Variants in EML5 observed in about 807,000 individuals in gnomAD.
The protein encoded by EML5 is EMAP like 5, also known as echinoderm microtubule-associated protein-like 5.
In EML5, 120 loss-of-function variants were observed where a neutral mutation model predicts 250.0. The observed-to-expected ratio is 0.48, with a 90% CI of 0.41 to 0.56. The LOEUF (loss-of-function observed/expected upper bound fraction) is 0.56, where lower values mean the gene tolerates loss of function less well. EML5 is among the 20% of genes least tolerant of loss of function. The probability of loss-of-function intolerance (pLI) is 0.00; values close to 1 mark genes in which losing one functional copy is unlikely to be tolerated. For missense variants in EML5, 2,006 were observed against 2,437.6 expected (o/e 0.82, Z 3.73); for synonymous variants, 771 against 806.5 (o/e 0.96, Z 0.75).
rs182194630 is a variant in EML5 at position 88,743,233 on chromosome 14, T to C, written c.525+790A>G. ...CACTGTAGAATGAGTATAGGTAATA[T>C]GAATACACAGTTTCAAATAGCTAGA... On this transcript the variant is annotated intron_variant, in intron 4 of 43. Coordinates refer to ENST00000554922, the MANE Select transcript of EML5 (RefSeq NM_183387.3). Among the ~76,000 whole-genome samples, 753 of 152,156 alleles carry C rather than the reference T, an allele frequency of 4.9e-3. 8 individuals carry two copies. Among genetic ancestry groups the C allele is most frequent in the Non-Finnish European group, 5.3e-3 (362 of 67,926 alleles).
chr14:88,711,354 T>TCTCA (rs2093403536), intron 10 of EML5, among the ~76,000 whole-genome samples: 1 of 103,424 alleles, frequency 9.7e-6, no homozygotes, highest in African/African-American at 5.2e-5. Flanking sequence ...TCTCACGAGA[T>TCTCA]CTGATGGTTT....
At chr14:88,746,595 T>C (rs2094007588) in intron 2 of EML5, among the ~76,000 whole-genome samples, 1 of 152,084 alleles carries the variant, frequency 6.6e-6, no homozygotes, top group Admixed American at 6.6e-5. Context: ...TGTTTTTAAA[T>C]GGACTGATGA....
intron 7 of EML5, among the ~76,000 whole-genome samples, chr14:88,734,811 CA>C (rs1319808651): frequency 6.6e-6 from 1 of 151,982 alleles, no homozygotes; most frequent in African/African-American, 2.4e-5. Flanking sequence ...TAGCCAAATC[CA>C]GAATGTGGGA....
At chr14:88,709,795 A>G (rs1323327055) in intron 10 of EML5, among the ~76,000 whole-genome samples, 1 of 152,244 alleles carries the variant, frequency 6.6e-6, no homozygotes, top group African/African-American at 2.4e-5. Flanking sequence ...AAATGCATGA[A>G]TTGCAGCATA....
intron 21 of EML5, among the ~76,000 whole-genome samples, chr14:88,673,603 T>C (rs2092523175): frequency 6.6e-6 from 1 of 152,238 alleles, no homozygotes; most frequent in Non-Finnish European, 1.5e-5. Context: ...TGTTTGCAGA[T>C]GATATGATAG....
chr14:88,677,633 A>T (rs1382560481), intron 21 of EML5, among the ~76,000 whole-genome samples: 1 of 152,260 alleles, frequency 6.6e-6, no homozygotes, highest in African/African-American at 2.4e-5. Context: ...AAGGTGGGCA[A>T]AGGACATAAG....
chr14:88,741,973 T>C (rs1220851400), intron 4 of EML5, among the ~76,000 whole-genome samples: 2 of 152,220 alleles, frequency 1.3e-5, no homozygotes, highest in Non-Finnish European at 2.9e-5. Flanking sequence ...CCATAATTTG[T>C]GTACATAAGT....
At chr14:88,710,349 C>T (rs1008157384) in intron 10 of EML5, among the ~76,000 whole-genome samples, 2 of 152,264 alleles carry the variant, frequency 1.3e-5, no homozygotes, top group East Asian at 1.9e-4. Flanking sequence ...TAAACTACTT[C>T]TATTATTTAA....
intron 7 of EML5, among the ~76,000 whole-genome samples, chr14:88,728,323 C>T (rs2093698667): frequency 1.2e-5 from 1 of 83,032 alleles, no homozygotes; most frequent in South Asian, 3.7e-4. Flanking sequence ...TTGAATAATG[C>T]ACCAGTTAGA....
intron 17 of EML5, among the ~76,000 whole-genome samples, chr14:88,693,860 T>A (rs2093016333): frequency 7.4e-6 from 1 of 134,802 alleles, no homozygotes; most frequent in South Asian, 2.7e-4. Context: ...AGCCTTAACC[T>A]CCTGGGCTCA....
chr14:88,710,482 A>C (rs2093386840), intron 10 of EML5, among the ~76,000 whole-genome samples: 1 of 152,222 alleles, frequency 6.6e-6, no homozygotes, highest in African/African-American at 2.4e-5. Flanking sequence ...AATGCAACTT[A>C]ATAATTAATC....
At chr14:88,729,563 T>G (rs1595697132) in intron 7 of EML5, among the ~76,000 whole-genome samples, 1 of 147,878 alleles carries the variant, frequency 6.8e-6, no homozygotes, top group Non-Finnish European at 1.5e-5. Flanking sequence ...ATTTGGTTTT[T>G]TGTTTTTTGT....
chr14:88,681,821 T>G, intron 21 of EML5, 69 bp downstream of exon 21: 1 of 1,470,104 alleles, frequency 6.8e-7, no homozygotes, highest in Non-Finnish European at 9.0e-7. Flanking sequence ...CTAGTTTTGC[T>G]TTCTTATATT....
At chr14:88,653,361 C>T (rs548387511) in intron 27 of EML5, among the ~76,000 whole-genome samples, 9 of 152,276 alleles carry the variant, frequency 5.9e-5, no homozygotes, top group Non-Finnish European at 1.2e-4. Context: ...AGACAGCATC[C>T]TTGTCTTGTG....
Position 88,618,727 on chromosome 14 carries a change from T to TA in EML5, c.5460dup (p.Asn1821Ter). On this transcript the variant is annotated frameshift_variant, in exon 40 of 44. Coordinates refer to ENST00000554922, the MANE Select transcript of EML5 (RefSeq NM_183387.3). LOFTEE classifies it high-confidence loss of function. Reference sequence around the variant, plus strand: ...ATGTCTTTGCAGTAGCTGATTCTGTTAAGAGTGGGGCCCAGCGTTAGGTCA... The same window carrying TA: ...ATGTCTTTGCAGTAGCTGATTCTGTTAAAGAGTGGGGCCCAGCGTTAGGTCA... The TA allele has an allele frequency of 6.2e-7, 1 of 1,609,978 alleles. No individual in the cohort carries two copies. The highest frequency in any genetic ancestry group is 8.5e-7 in the Non-Finnish European group (1 of 1,177,950).
At position 88,627,032 on chromosome 14, in the gene EML5, T is replaced by C; in HGVS notation, c.4546A>G (p.Ser1516Gly). 2 of 1,613,926 alleles carry C rather than the reference T, an allele frequency of 1.2e-6. No homozygotes were observed. Among genetic ancestry groups the C allele is most frequent in the Non-Finnish European group, 1.7e-6 (2 of 1,179,864 alleles). The change falls in exon 35 of 44, where the codon AGC (serine) becomes GGC (glycine). Residue 1516 changes from serine (S) to glycine (G), a missense_variant. Ser to Gly is a moderately conservative substitution (Grantham distance 56, BLOSUM62 0). Transcript: ENST00000554922. ...WRWQEGAKIA[S>G]RAGHNQRIFV... ...ATACGTTGATTGTGACCAGCTCTGC[T>C]GGCAATTTTGGCACCTGACAAGATA...
chr14:88,708,141 A>G (rs1782607445), intron 10 of EML5, among the ~76,000 whole-genome samples: 2 of 152,202 alleles, frequency 1.3e-5, no homozygotes, highest in African/African-American at 4.8e-5. Context: ...AAGTTGTAAA[A>G]TAAGTCTAAG....
chr14:88,619,065 G>A (rs1023232237), intron 39 of EML5: 6 of 283,004 alleles, frequency 2.1e-5, no homozygotes, highest in Non-Finnish European at 1.9e-5. Flanking sequence ...ACGTCTAATG[G>A]CTTAAAAAAA....
chr14:88,651,477 C>T (rs902050811), intron 27 of EML5, among the ~76,000 whole-genome samples: 2 of 151,734 alleles, frequency 1.3e-5, no homozygotes, highest in East Asian at 1.9e-4. Context: ...AGTGTTTTAC[C>T]GTGAATGAAG....
Sources: gnomAD v4.1 joint callset for allele counts (sites outside exome capture counted in the v4.1 genomes callset) on GRCh38, gnomAD v4.1.1 for gene constraint, MANE v1.5 for transcripts, NCBI Gene and HGNC (gene_info 2026-07-23, HGNC 2026-07-21) for gene names.